Variants in NDUFA9 observed in about 807,000 individuals in gnomAD.
NDUFA9 encodes NADH:ubiquinone oxidoreductase subunit A9.
In NDUFA9, 23 loss-of-function variants were observed where a neutral mutation model predicts 45.9. The ratio of observed to expected loss-of-function variants is 0.50; its 90% CI spans 0.36 to 0.71. NDUFA9 has a LOEUF of 0.71. NDUFA9 is among the 30% of genes least tolerant of loss of function. NDUFA9 has a pLI of 0.00. For missense variants in NDUFA9, 466 were observed against 488.2 expected, an observed-to-expected ratio of 0.95 and a Z score of 0.43; for synonymous variants, 176 against 170.5, an observed-to-expected ratio of 1.03 and a Z score of -0.25.
At chr12:4,668,112 G>A (rs1053712587) in intron 6 of NDUFA9, among the ~76,000 whole-genome samples, 3 of 152,148 alleles carry the variant, frequency 2.0e-5, no homozygotes, top group Non-Finnish European at 2.9e-5. Context: ...CAACAGATGA[G>A]TATCATAAGG....
chr12:4,685,958 T>A (rs182127417), intron 10 of NDUFA9, among the ~76,000 whole-genome samples: 6 of 152,362 alleles, frequency 3.9e-5, no homozygotes, highest in Admixed American at 3.9e-4. Flanking sequence ...AATTGTCCCC[T>A]GAATGCTGCC....
rs6489560 is a variant in NDUFA9, at chr12:4,688,001, C to T, written c.*893C>T. 0.58 allele frequency: 88,936 copies of T among 152,068 alleles called. 26,883 individuals carry two copies. The highest frequency in any genetic ancestry group is 0.67 in the Non-Finnish European group (45,469 of 67,978). 9.4% of individuals were successfully genotyped at this position (152,068 alleles called of 1,614,324 possible). ...TTTGGGACAGGGATGTCAGTAAAAA[C>T]GCTGTTTGATGAGGGAATGCCCGTC... On this transcript the variant is annotated 3_prime_UTR_variant, in exon 11 of 11. Transcript: ENST00000266544.
chr12:4,678,212 C>T (rs530858446), intron 8 of NDUFA9, among the ~76,000 whole-genome samples: 1 of 151,904 alleles, frequency 6.6e-6, no homozygotes. Flanking sequence ...CAGCAAACCA[C>T]CATGGCACAT....
At chr12:4,673,166 G>A (rs1401250848) in intron 8 of NDUFA9, among the ~76,000 whole-genome samples, 5 of 152,178 alleles carry the variant, frequency 3.3e-5, no homozygotes, top group Non-Finnish European at 7.3e-5. Flanking sequence ...GAAAAGAATA[G>A]TATCAACATC....
At chr12:4,656,620 G>A (rs561056571) in intron 3 of NDUFA9, among the ~76,000 whole-genome samples, 2 of 152,342 alleles carry the variant, frequency 1.3e-5, no homozygotes, top group Admixed American at 1.3e-4. Context: ...CTGTCTGAAT[G>A]TCCACTTGGT....
intron 1 of NDUFA9, among the ~76,000 whole-genome samples, chr12:4,650,951 C>A (rs1473352608): frequency 2.0e-5 from 3 of 152,100 alleles, no homozygotes; most frequent in African/African-American, 7.2e-5. Flanking sequence ...GATCGGTAGT[C>A]TCCAAAGGGA....
At chr12:4,662,247 G>A (rs1372690328) in intron 5 of NDUFA9, among the ~76,000 whole-genome samples, 2 of 152,192 alleles carry the variant, frequency 1.3e-5, no homozygotes, top group Admixed American at 1.3e-4. Context: ...AAGGAAAAAT[G>A]GAGGCTGAAG....
intron 1 of NDUFA9, among the ~76,000 whole-genome samples, chr12:4,650,342 T>TTG (rs1454826531): frequency 9.2e-5 from 14 of 152,232 alleles, no homozygotes; most frequent in Admixed American, 8.5e-4. Context: ...CACAATGTCT[T>TTG]TGCAAAGACA....
intron 5 of NDUFA9, among the ~76,000 whole-genome samples, chr12:4,662,231 A>G (rs1220070297): frequency 6.6e-6 from 1 of 152,234 alleles, no homozygotes; most frequent in Non-Finnish European, 1.5e-5. Context: ...GAGAATCTGT[A>G]AATAGAAGGA....
rs542338073 is a variant in NDUFA9, at chr12:4,678,978, A to T, written c.801-3227A>T. ...CACAAAGATTTGCACTTGAATTTTCATAGCAGCGTTATCATAAATGCTAAA... is the reference window on the plus strand; with the variant it reads ...CACAAAGATTTGCACTTGAATTTTCTTAGCAGCGTTATCATAAATGCTAAA... On this transcript the variant is annotated intron_variant, in intron 8 of 10. Coordinates refer to ENST00000266544, the MANE Select transcript of NDUFA9 (RefSeq NM_005002.5). 2.0e-5 allele frequency among the ~76,000 whole-genome samples: 3 copies of T among 152,354 alleles called. No individual in the cohort carries two copies. The East Asian group carries it at 5.8e-4, about 29-fold the overall frequency.
Position 4,693,428 on chromosome 12 carries a change from C to T in NDUFA9, c.*6320C>T, listed in dbSNP as rs910412176. The T allele has an allele frequency of 1.3e-5, 2 of 152,120 alleles. No homozygotes were observed. Among genetic ancestry groups the T allele is most frequent in the African/African-American group, 4.8e-5 (2 of 41,398 alleles). 9.4% of individuals were successfully genotyped at this position (152,120 alleles called of 1,614,324 possible). A position where few individuals can be genotyped will look rare whatever the true frequency, so the allele number is the denominator to read the frequency against. On this transcript the variant is annotated 3_prime_UTR_variant, in exon 11 of 11. Transcript: ENST00000266544. ...CCCCACAGCTGGGATCCAAGAAGAC[C>T]CTGTGGCTGGCTACTCTTCTGTATT...
chr12:4,662,822 G>A (rs182785443), intron 6 of NDUFA9, among the ~76,000 whole-genome samples, 187 bp downstream of exon 6: 2 of 152,122 alleles, frequency 1.3e-5, no homozygotes, highest in African/African-American at 4.8e-5. Flanking sequence ...ATCAAAAGAA[G>A]CAACTTAGAT....
At chr12:4,650,648 G>T (rs1945753483) in intron 1 of NDUFA9, among the ~76,000 whole-genome samples, 5 of 152,166 alleles carry the variant, frequency 3.3e-5, no homozygotes, top group Admixed American at 3.3e-4. Context: ...ATAGTTAAGT[G>T]TGGCAAGACT....
rs1352646677 is a variant in NDUFA9 at position 4,687,921 on chromosome 12, A to G, written c.*813A>G. 6.6e-6 allele frequency: 1 copy of G among 152,236 alleles called. No individual in the cohort carries two copies. Among genetic ancestry groups the G allele is most frequent in the Non-Finnish European group, 1.5e-5 (1 of 68,044 alleles). 9.4% of individuals were successfully genotyped at this position (152,236 alleles called of 1,614,324 possible). A position where few individuals can be genotyped will look rare whatever the true frequency, so the allele number is the denominator to read the frequency against. ...GGTGAAGCCAACATACCACCATCCT[A>G]GGTGACCCAGGGTTGGTCATTGTGT... is the stretch of plus-strand genomic sequence containing the variant. On this transcript the variant is annotated 3_prime_UTR_variant, in exon 11 of 11. Coordinates refer to ENST00000266544, the MANE Select transcript of NDUFA9 (RefSeq NM_005002.5).
rs755229053 is a variant in NDUFA9 at position 4,654,817 on chromosome 12, T to G, written c.221-8T>G. On this transcript the variant is annotated splice_polypyrimidine_tract_variant and splice_region_variant and intron_variant, in intron 2 of 10. Coordinates refer to ENST00000266544, the MANE Select transcript of NDUFA9 (RefSeq NM_005002.5). ...TGTTGATCCTTTTTTCAATCCATTC[T>G]CTTTTAGGACGCATGGGGTCACAGG... The G allele has an allele frequency of 6.3e-7, 1 of 1,594,570 alleles. No individual in the cohort carries two copies. Among genetic ancestry groups the G allele is most frequent in the Non-Finnish European group, 8.5e-7 (1 of 1,170,494 alleles).
intron 9 of NDUFA9, 47 bp downstream of exon 9, chr12:4,682,347 A>G: frequency 7.2e-7 from 1 of 1,397,818 alleles, no homozygotes; most frequent in Non-Finnish European, 1.0e-6. Flanking sequence ...AGCCAGCTCC[A>G]CACACTTGTT....
chr12:4,680,512 C>T (rs546755473), intron 8 of NDUFA9, among the ~76,000 whole-genome samples: 5 of 152,280 alleles, frequency 3.3e-5, no homozygotes, highest in Middle Eastern at 3.4e-3. Context: ...ACTAGTGTTC[C>T]GGTTGCACTT....
intron 8 of NDUFA9, 51 bp from the exon 9 acceptor site, chr12:4,682,154 A>G (rs1471007250): frequency 7.4e-7 from 1 of 1,356,198 alleles, no homozygotes; most frequent in Non-Finnish European, 1.0e-6. Context: ...TTATAAAGGA[A>G]ACTTTGTGAG....
chr12:4,673,557 C>G (rs1477878311), intron 8 of NDUFA9, among the ~76,000 whole-genome samples: 1 of 152,154 alleles, frequency 6.6e-6, no homozygotes, highest in Non-Finnish European at 1.5e-5. Context: ...CCGAATCGAT[C>G]AGGTGGAAGA....
Sources: gnomAD v4.1 joint callset for allele counts (sites outside exome capture counted in the v4.1 genomes callset) on GRCh38, gnomAD v4.1.1 for gene constraint, MANE v1.5 for transcripts, NCBI Gene and HGNC (gene_info 2026-07-23, HGNC 2026-07-21) for gene names.